Variants in SLC22A3 observed in about 807,000 individuals in gnomAD.
The protein encoded by SLC22A3 is EMT organic cation transporter 3.
SLC22A3 carries 51 observed loss-of-function variants against 59.1 expected under a neutral mutation model. The observed-to-expected ratio is 0.86, with a 90% CI of 0.69 to 1.09. The LOEUF (loss-of-function observed/expected upper bound fraction) is 1.09, where lower values mean the gene tolerates loss of function less well. Among genes scored for constraint, SLC22A3 ranks in the 50% least tolerant of loss-of-function variants. The pLI is 0.00. For synonymous variants in SLC22A3, 325 were observed against 292.0 expected (o/e 1.11, Z -1.15); for missense variants, 711 against 726.3 (o/e 0.98, Z 0.24).
At chr6:160,446,041 G>A (rs1279315844) in intron 9 of SLC22A3, among the ~76,000 whole-genome samples, 1 of 152,206 alleles carries the variant, frequency 6.6e-6, no homozygotes, top group African/African-American at 2.4e-5. Flanking sequence ...GGAGGCCTAG[G>A]ACAGAGACCT....
chr6:160,434,462 T>C (rs1291726884), intron 5 of SLC22A3, among the ~76,000 whole-genome samples: 2 of 152,236 alleles, frequency 1.3e-5, no homozygotes, highest in Non-Finnish European at 2.9e-5. Context: ...AAGCCTTGTT[T>C]TCCTTATTTA....
Position 160,348,635 on chromosome 6 carries a change from C to A in SLC22A3, c.216C>A (p.Asn72Lys). 6 of 1,504,126 alleles carry A rather than the reference C, an allele frequency of 4.0e-6. No homozygotes were observed. Among genetic ancestry groups the A allele is most frequent in the Non-Finnish European group, 5.3e-6 (6 of 1,134,260 alleles). The allele number at this position is 1,504,126 out of a possible 1,614,324, so 93.2% of individuals were successfully genotyped here. Reference protein sequence around the residue: ...RCGWSPEEEWNRTAPASRGPE... With the variant: ...RCGWSPEEEWKRTAPASRGPE... ...GCTGGAGCCCGGAGGAGGAGTGGAA[C>A]CGCACGGCGCCCGCCTCCCGCGGCC... The change falls in exon 1 of 11, where the codon AAC becomes AAA. Residue 72 changes from asparagine (N) to lysine (K), a missense_variant. Coordinates refer to ENST00000275300, the MANE Select transcript of SLC22A3 (RefSeq NM_021977.4).
intron 1 of SLC22A3, among the ~76,000 whole-genome samples, chr6:160,373,120 T>A (rs963028897): frequency 1.3e-5 from 2 of 152,202 alleles, no homozygotes; most frequent in Non-Finnish European, 2.9e-5. Flanking sequence ...TTTGCCCTGG[T>A]TTTTCCTCAT....
chr6:160,407,863 A>C (rs1424677152), intron 3 of SLC22A3, among the ~76,000 whole-genome samples: 1 of 152,156 alleles, frequency 6.6e-6, no homozygotes, highest in African/African-American at 2.4e-5. Flanking sequence ...GACCAGGAAA[A>C]TGTGAATTCT....
chr6:160,386,008 G>A (rs1331283699), intron 1 of SLC22A3, among the ~76,000 whole-genome samples: 1 of 152,208 alleles, frequency 6.6e-6, no homozygotes, highest in Non-Finnish European at 1.5e-5. Context: ...GTGCATAGCA[G>A]TGTCTCTCAA....
intron 2 of SLC22A3, among the ~76,000 whole-genome samples, chr6:160,406,414 T>C (rs999919317): frequency 1.3e-5 from 2 of 152,226 alleles, no homozygotes; most frequent in Non-Finnish European, 2.9e-5. Context: ...TGTTACCTTG[T>C]TCCTTTTCCT....
At chr6:160,356,658 A>G (rs1436198502) in intron 1 of SLC22A3, among the ~76,000 whole-genome samples, 7 of 152,196 alleles carry the variant, frequency 4.6e-5, no homozygotes, top group Non-Finnish European at 1.0e-4. Flanking sequence ...CTTCCAAAAC[A>G]AACTAAAACC....
intron 1 of SLC22A3, 140 bp from the exon 2 acceptor site, chr6:160,397,839 G>C (rs541529675): frequency 1.4e-6 from 1 of 696,992 alleles, no homozygotes; most frequent in African/African-American, 1.8e-5. Context: ...GTAAACATAC[G>C]TATGTGATAC....
intron 1 of SLC22A3, among the ~76,000 whole-genome samples, chr6:160,397,419 C>G (rs1239647225): frequency 2.0e-5 from 3 of 151,988 alleles, no homozygotes; most frequent in African/African-American, 7.2e-5. Context: ...GTTGGGGACT[C>G]TTGCTCTATT....
At chr6:160,404,284 C>T (rs1464866815) in intron 2 of SLC22A3, among the ~76,000 whole-genome samples, 1 of 151,924 alleles carries the variant, frequency 6.6e-6, no homozygotes. Flanking sequence ...AACTGCTTTC[C>T]TATGTACCAA....
chr6:160,445,765 C>T (rs1031419927), intron 9 of SLC22A3, among the ~76,000 whole-genome samples: 1 of 152,168 alleles, frequency 6.6e-6, no homozygotes, highest in African/African-American at 2.4e-5. Flanking sequence ...GCCCAGGTGC[C>T]TGGGGAGAAG....
At chr6:160,371,723 G>T (rs1785405588) in intron 1 of SLC22A3, among the ~76,000 whole-genome samples, 2 of 152,162 alleles carry the variant, frequency 1.3e-5, no homozygotes, top group South Asian at 4.1e-4. Flanking sequence ...GGGTCAAGTG[G>T]TATTTCTGGT....
intron 10 of SLC22A3, among the ~76,000 whole-genome samples, chr6:160,448,464 C>T (rs1788830196): frequency 6.6e-6 from 1 of 151,412 alleles, no homozygotes; most frequent in Non-Finnish European, 1.5e-5. Flanking sequence ...TAGATAGATA[C>T]AGATAGATAA....
At chr6:160,407,415 T>C (rs1191069573) in intron 3 of SLC22A3, among the ~76,000 whole-genome samples, 2 of 152,194 alleles carry the variant, frequency 1.3e-5, no homozygotes, top group Non-Finnish European at 2.9e-5. Flanking sequence ...ATATAGAATA[T>C]TATAAAGCAC....
chr6:160,375,737 G>C (rs1421330118), intron 1 of SLC22A3, among the ~76,000 whole-genome samples: 1 of 152,142 alleles, frequency 6.6e-6, no homozygotes, highest in Admixed American at 6.5e-5. Flanking sequence ...CTAAGTACAA[G>C]TGTTTTAAGA....
intron 5 of SLC22A3, among the ~76,000 whole-genome samples, chr6:160,433,542 ACTACTACTG>A (rs1788230672): frequency 6.6e-6 from 1 of 151,138 alleles, no homozygotes; most frequent in Non-Finnish European, 1.5e-5. Context: ...TACTACTACT[ACTACTACTG>A]CTACTAATAA....
intron 2 of SLC22A3, among the ~76,000 whole-genome samples, chr6:160,398,495 A>T (rs893919020): frequency 1.3e-5 from 2 of 151,678 alleles, no homozygotes; most frequent in African/African-American, 4.8e-5. Flanking sequence ...GTTTCACCTA[A>T]TTTTTTTTTA....
chr6:160,451,163 CT>C lies in SLC22A3; in HGVS notation c.*108del. 1 of 974,820 alleles carries C rather than the reference CT, an allele frequency of 1.0e-6. No homozygotes were observed. The highest frequency in any genetic ancestry group is 1.6e-6 in the Non-Finnish European group (1 of 623,180). The allele number at this position is 974,820 out of a possible 1,614,324, so 60.4% of individuals were successfully genotyped here. Reference sequence around the variant, plus strand: ...TGCATTTCAGCTACATCATGCCGCGCTGTTGTAATACTGTATAAAGACCTCA... The same window carrying C: ...TGCATTTCAGCTACATCATGCCGCGCGTTGTAATACTGTATAAAGACCTCA... On this transcript the variant is annotated 3_prime_UTR_variant, in exon 11 of 11. Transcript: ENST00000275300.
intron 1 of SLC22A3, among the ~76,000 whole-genome samples, chr6:160,383,393 C>A (rs1215776885): frequency 6.6e-6 from 1 of 152,182 alleles, no homozygotes; most frequent in Non-Finnish European, 1.5e-5. Flanking sequence ...CTCCACTGCA[C>A]CCCAAATCAG....
Sources: allele counts gnomAD v4.1 joint callset (sites outside exome capture counted in the v4.1 genomes callset), GRCh38; gene constraint gnomAD v4.1.1; transcripts MANE v1.5; gene names NCBI Gene and HGNC (gene_info 2026-07-23, HGNC 2026-07-21).